STS: variants seen among roughly 807,000 people sequenced by gnomAD.
The protein encoded by STS is steroid sulfatase.
STS carries 7 observed loss-of-function variants against 26.8 expected under a neutral mutation model. That is an observed-to-expected ratio of 0.26 (90% CI 0.15 to 0.49). STS has a LOEUF of 0.49. Among genes scored for constraint, STS ranks in the 20% least tolerant of loss-of-function variants. STS has a pLI of 0.98. For synonymous variants in STS, 199 were observed against 189.4 expected (o/e 1.05, Z -0.42); for missense variants, 434 against 465.6 (o/e 0.93, Z 0.63).
rs894357385 is a variant in STS, at chrX:7,186,756, T to C, written c.-133-4124T>C. On this transcript the variant is annotated intron_variant, in intron 1 of 10. Transcript: ENST00000674429. ...GCAAGATGAGGCTATTTGATCAGCA[T>C]TGTAAATATTTCCGGGAATAAACTG... 5.3e-5 allele frequency among the ~76,000 whole-genome samples: 6 copies of C among 112,392 alleles called. No individual in the cohort carries two copies. The Admixed American group carries it at 5.7e-4, about 11-fold the overall frequency.
At chrX:7,281,408 C>T (rs1009608202) in intron 7 of STS, among the ~76,000 whole-genome samples, 2 of 111,621 alleles carry the variant, frequency 1.8e-5, no homozygotes, top group African/African-American at 6.5e-5. Flanking sequence ...TCACTCTCCT[C>T]TGCCTTCCCT....
intron 2 of STS, among the ~76,000 whole-genome samples, chrX:7,243,035 T>C (rs1922695526): frequency 8.9e-6 from 1 of 112,568 alleles, no homozygotes; most frequent in African/African-American, 3.2e-5. Flanking sequence ...ACAAGTTACA[T>C]TTGTCTAGCA....
chrX:7,325,338 G>C lies in STS; in HGVS notation c.1082-1G>C. 8.3e-7 allele frequency: 1 copy of C among 1,211,180 alleles called. No homozygotes were observed. ...CTCTTACCTCTTTTTTGATCTTTTA[G>C]GAGGAAAAGCAAACAACTGGGAAGG... On this transcript the variant is annotated splice_acceptor_variant, in intron 8 of 10. Transcript: ENST00000674429. LOFTEE classifies it high-confidence loss of function.
At chrX:7,212,218 C>A (rs1337660237) in intron 2 of STS, among the ~76,000 whole-genome samples, 3 of 111,731 alleles carry the variant, frequency 2.7e-5, no homozygotes, top group Non-Finnish European at 5.6e-5. Context: ...CCTGTAATCC[C>A]AGCACTTTGG....
intron 1 of STS, among the ~76,000 whole-genome samples, chrX:7,163,014 A>T (rs916016620): frequency 2.2e-4 from 23 of 102,581 alleles, no homozygotes; most frequent in African/African-American, 8.3e-4. Flanking sequence ...CCGAGATCAC[A>T]CCACTGCACT....
chrX:7,354,055 GT>G lies in STS; in HGVS notation c.*3798del, dbSNP rs751102408. 1 of 111,377 alleles carries G rather than the reference GT, an allele frequency of 9.0e-6. No homozygotes were observed. Among genetic ancestry groups the G allele is most frequent in the Admixed American group, 9.5e-5 (1 of 10,484 alleles). The allele number at this position is 111,377 out of a possible 1,213,427, so 9.2% of individuals were successfully genotyped here. A position where few individuals can be genotyped will look rare whatever the true frequency, so the allele number is the denominator to read the frequency against. On this transcript the variant is annotated 3_prime_UTR_variant, in exon 11 of 11. Coordinates refer to ENST00000674429, the MANE Select transcript of STS (RefSeq NM_001320752.2). ...TCTGGGCACTTCCTTGTAAAATCTA[GT>G]TTTGGCAAGAAGTCTATTAGGTCAG...
intron 2 of STS, among the ~76,000 whole-genome samples, chrX:7,239,768 T>G (rs548029960): frequency 1.4e-4 from 16 of 111,838 alleles, no homozygotes; most frequent in Middle Eastern, 9.3e-3. Context: ...CTGTTTCAGT[T>G]TTTTGAAACC....
At chrX:7,220,705 C>T (rs895621457) in intron 2 of STS, among the ~76,000 whole-genome samples, 3 of 108,693 alleles carry the variant, frequency 2.8e-5, no homozygotes, top group South Asian at 4.1e-4. Flanking sequence ...CCCGCCACCA[C>T]GCCCGGCTAC....
At chrX:7,212,892 C>T (rs1303298137) in intron 2 of STS, among the ~76,000 whole-genome samples, 2 of 112,074 alleles carry the variant, frequency 1.8e-5, no homozygotes, top group African/African-American at 3.2e-5. Flanking sequence ...CATCCCACTT[C>T]CTTAATGTTT....
Position 7,351,173 on chromosome X carries a change from T to A in STS, c.*912T>A, listed in dbSNP as rs1027777635. ...CTGAATTAAAAGCCCACTGTGGAGA[T>A]GCTGTGGTTCATGGAATCTCTTCCA... On this transcript the variant is annotated 3_prime_UTR_variant, in exon 11 of 11. Coordinates refer to ENST00000674429, the MANE Select transcript of STS (RefSeq NM_001320752.2). 8.9e-6 allele frequency: 1 copy of A among 112,343 alleles called. No individual in the cohort carries two copies. 9.3% of individuals were successfully genotyped at this position (112,343 alleles called of 1,213,427 possible).
intron 7 of STS, among the ~76,000 whole-genome samples, chrX:7,298,776 ATC>A (rs1356662349): frequency 9.2e-6 from 1 of 108,755 alleles, no homozygotes; most frequent in Non-Finnish European, 1.9e-5. Flanking sequence ...GAGTCTCGCC[ATC>A]TCTGTTGGTC....
chrX:7,340,192 C>T (rs1228982757), intron 10 of STS, among the ~76,000 whole-genome samples: 1 of 110,668 alleles, frequency 9.0e-6, no homozygotes, highest in Middle Eastern at 4.3e-3. Flanking sequence ...TTGCATTCTC[C>T]GTCCTACCGT....
chrX:7,201,755 A>G (rs1370272556), intron 2 of STS, among the ~76,000 whole-genome samples: 2 of 111,057 alleles, frequency 1.8e-5, no homozygotes, highest in East Asian at 5.6e-4. Context: ...GTCTTTGAAC[A>G]CTGATCTAGA....
intron 2 of STS, among the ~76,000 whole-genome samples, chrX:7,205,215 G>C (rs944506398): frequency 8.9e-6 from 1 of 112,750 alleles, no homozygotes; most frequent in Non-Finnish European, 1.9e-5. Context: ...TACTTTGAAA[G>C]AAGAGGGGCT....
intron 7 of STS, among the ~76,000 whole-genome samples, chrX:7,283,896 A>C (rs1243417214): frequency 9.0e-6 from 1 of 110,915 alleles, no homozygotes; most frequent in Non-Finnish European, 1.9e-5. Context: ...GAATCATTCC[A>C]GGTATTCCCA....
upstream of STS, among the ~76,000 whole-genome samples, chrX:7,147,505 G>A (rs1932892251): frequency 8.9e-6 from 1 of 112,073 alleles, no homozygotes; most frequent in African/African-American, 3.2e-5. Flanking sequence ...GCCATTGCCA[G>A]ATGCCCTCAG....
At chrX:7,303,025 G>A (rs974589588) in intron 7 of STS, among the ~76,000 whole-genome samples, 4 of 111,168 alleles carry the variant, frequency 3.6e-5, no homozygotes, top group Admixed American at 1.9e-4. Context: ...AGGAGAGCAG[G>A]TGATATGGTT....
At chrX:7,279,290 A>ATAT (rs1402728154) in intron 7 of STS, among the ~76,000 whole-genome samples, 2 of 62,368 alleles carry the variant, frequency 3.2e-5, no homozygotes, top group African/African-American at 1.4e-4. Flanking sequence ...AAAAAAAAAA[A>ATAT]AAATATATAT....
At chrX:7,181,621 T>C (rs750098109) in intron 1 of STS, among the ~76,000 whole-genome samples, 21 of 112,102 alleles carry the variant, frequency 1.9e-4, no homozygotes, top group Admixed American at 9.5e-5. Context: ...TCACAGCCCA[T>C]GTCATGCCAA....
Sources: gnomAD v4.1 joint callset for allele counts (sites outside exome capture counted in the v4.1 genomes callset) on GRCh38, gnomAD v4.1.1 for gene constraint, MANE v1.5 for transcripts, NCBI Gene and HGNC (gene_info 2026-07-23, HGNC 2026-07-21) for gene names.